ATXN1: variants seen among roughly 807,000 people sequenced by gnomAD.
The protein encoded by ATXN1 is ataxin-1.
In ATXN1, 8 loss-of-function variants were observed where a neutral mutation model predicts 56.4. That is an observed-to-expected ratio of 0.14 (90% confidence interval 0.08 to 0.26). The LOEUF is 0.26. Ranked by LOEUF, ATXN1 falls within the 10% of genes least tolerant of loss-of-function variation. ATXN1 has a pLI of 1.00. For missense variants in ATXN1, 987 were observed against 1,106.5 expected, an observed-to-expected ratio of 0.89 and a Z score of 1.53; for synonymous variants, 514 against 494.6, an observed-to-expected ratio of 1.04 and a Z score of -0.52.
rs1044540533 is a variant in ATXN1, at chr6:16,548,784, G to A, written c.-360-26096C>T. ...GCTAAAAATACAAAAATTAGCCGGCGTGGTGGTGCATGCCTGTAATCCCAG... is the reference window on the plus strand; with the variant it reads ...GCTAAAAATACAAAAATTAGCCGGCATGGTGGTGCATGCCTGTAATCCCAG... On this transcript the variant is annotated intron_variant, in intron 4 of 7. Coordinates refer to ENST00000436367, the MANE Select transcript of ATXN1 (RefSeq NM_001128164.2). Among the ~76,000 whole-genome samples, 8 of 152,118 alleles carry A rather than the reference G, an allele frequency of 5.3e-5. No homozygotes were observed. The East Asian group carries it at 1.2e-3, about 22-fold the overall frequency.
intron 4 of ATXN1, among the ~76,000 whole-genome samples, chr6:16,576,151 A>T (rs950756386): frequency 1.3e-4 from 20 of 152,262 alleles, no homozygotes; most frequent in African/African-American, 3.1e-4. Flanking sequence ...TTCAAATCCA[A>T]TTTCATCGTT....
intron 3 of ATXN1, among the ~76,000 whole-genome samples, chr6:16,654,328 G>A (rs543081201): frequency 7.2e-5 from 11 of 152,264 alleles, no homozygotes; most frequent in Non-Finnish European, 1.3e-4. Flanking sequence ...GATGGATCAT[G>A]AGATCAAGAG....
intron 3 of ATXN1, among the ~76,000 whole-genome samples, chr6:16,616,539 CA>C (rs1763211918): frequency 7.1e-6 from 1 of 140,020 alleles, no homozygotes; most frequent in African/African-American, 2.7e-5. Context: ...GACTGTGTCT[CA>C]AAAAATATAT....
intron 6 of ATXN1, among the ~76,000 whole-genome samples, chr6:16,402,038 A>G (rs1432804880): frequency 3.3e-5 from 5 of 152,116 alleles, no homozygotes; most frequent in African/African-American, 4.8e-5. Context: ...GCCTCTTTTT[A>G]AAACCATCAG....
chr6:16,592,486 C>T (rs374667678), intron 3 of ATXN1, among the ~76,000 whole-genome samples: 1 of 152,130 alleles, frequency 6.6e-6, no homozygotes, highest in Non-Finnish European at 1.5e-5. Context: ...TCATAATATC[C>T]TACCCAGGCC....
At chr6:16,567,098 T>G (rs1762244746) in intron 4 of ATXN1, among the ~76,000 whole-genome samples, 2 of 152,200 alleles carry the variant, frequency 1.3e-5, no homozygotes, top group Admixed American at 1.3e-4. Context: ...ATCACAGCTT[T>G]GCAGTTCAAT....
At chr6:16,434,714 A>C (rs1209387005) in intron 6 of ATXN1, among the ~76,000 whole-genome samples, 1 of 152,224 alleles carries the variant, frequency 6.6e-6, no homozygotes, top group Non-Finnish European at 1.5e-5. Flanking sequence ...CTGATGGAGA[A>C]TCTGCTATAC....
chr6:16,462,517 T>C (rs1016274371), intron 6 of ATXN1, among the ~76,000 whole-genome samples: 2 of 152,186 alleles, frequency 1.3e-5, no homozygotes, highest in African/African-American at 4.8e-5. Flanking sequence ...TTTTACAGTT[T>C]CATCACATTA....
chr6:16,699,830 G>C (rs1208440785), intron 2 of ATXN1, among the ~76,000 whole-genome samples: 1 of 152,048 alleles, frequency 6.6e-6, no homozygotes, highest in Non-Finnish European at 1.5e-5. Flanking sequence ...GATAATCGTG[G>C]GCCATTCTTT....
chr6:16,399,628 C>T (rs1758527488), intron 6 of ATXN1, among the ~76,000 whole-genome samples: 1 of 152,154 alleles, frequency 6.6e-6, no homozygotes, highest in Non-Finnish European at 1.5e-5. Flanking sequence ...CCCTCTGGCT[C>T]TCAACCGGAA....
chr6:16,564,227 A>G (rs1369663780), intron 4 of ATXN1, among the ~76,000 whole-genome samples: 3 of 152,222 alleles, frequency 2.0e-5, no homozygotes, highest in Non-Finnish European at 4.4e-5. Flanking sequence ...TTCTACAACT[A>G]TGTTCTCAAG....
intron 2 of ATXN1, among the ~76,000 whole-genome samples, chr6:16,742,305 C>T (rs892766134): frequency 6.6e-6 from 1 of 152,188 alleles, no homozygotes; most frequent in African/African-American, 2.4e-5. Flanking sequence ...ATAAAAGCCA[C>T]AACTTGGGGT....
intron 6 of ATXN1, among the ~76,000 whole-genome samples, chr6:16,354,004 C>A (rs779746251): frequency 6.6e-6 from 1 of 152,166 alleles, no homozygotes; most frequent in Non-Finnish European, 1.5e-5. Flanking sequence ...TAGACCTGTG[C>A]TTCTTAACCT....
At chr6:16,699,705 A>G (rs1409021432) in intron 2 of ATXN1, among the ~76,000 whole-genome samples, 1 of 152,238 alleles carries the variant, frequency 6.6e-6, no homozygotes, top group African/African-American at 2.4e-5. Context: ...ACTTGTTTTT[A>G]TTAACGTAAG....
intron 6 of ATXN1, among the ~76,000 whole-genome samples, chr6:16,435,703 G>C (rs1344731562): frequency 6.6e-6 from 1 of 152,102 alleles, no homozygotes; most frequent in Non-Finnish European, 1.5e-5. Context: ...GCCAGCTAAG[G>C]AATGTCCTCG....
intron 6 of ATXN1, among the ~76,000 whole-genome samples, chr6:16,469,269 GC>G (rs1387221050): frequency 2.0e-5 from 3 of 152,144 alleles, no homozygotes; most frequent in African/African-American, 4.8e-5. Flanking sequence ...ATCAGGAGAA[GC>G]AAAAATATAA....
At chr6:16,598,540 C>T (rs148220421) in intron 3 of ATXN1, among the ~76,000 whole-genome samples, 154 of 152,266 alleles carry the variant, frequency 1.0e-3, no homozygotes, top group African/African-American at 3.7e-3. Context: ...GAGTCACTAA[C>T]GCTTGTCTCA....
At chr6:16,430,035 G>A (rs1192695215) in intron 6 of ATXN1, among the ~76,000 whole-genome samples, 2 of 152,138 alleles carry the variant, frequency 1.3e-5, no homozygotes, top group Non-Finnish European at 2.9e-5. Flanking sequence ...TGCCTGGAGT[G>A]ACATTATTTT....
At chr6:16,606,867 T>TTGTGTGTGTGTGTGTGTGAGTGTGTG (rs1763018151) in intron 3 of ATXN1, among the ~76,000 whole-genome samples, 1 of 126,712 alleles carries the variant, frequency 7.9e-6, no homozygotes, top group Non-Finnish European at 1.7e-5. Flanking sequence ...GTTCCATGAG[T>TTGTGTGTGTGTGTGTGTGAGTGTGTG]TGTGTGTGTG....
Sources: allele counts gnomAD v4.1 joint callset (sites outside exome capture counted in the v4.1 genomes callset), GRCh38; gene constraint gnomAD v4.1.1; transcripts MANE v1.5; gene names NCBI Gene and HGNC (gene_info 2026-07-23, HGNC 2026-07-21).